Variants in THRB observed in about 807,000 individuals in gnomAD.
The protein encoded by THRB is nuclear receptor subfamily 1 group A member 2.
In THRB, 12 loss-of-function variants were observed where a neutral mutation model predicts 47.8. The ratio of observed to expected loss-of-function variants is 0.25; its 90% CI spans 0.16 to 0.41. The LOEUF is 0.41. Among genes scored for constraint, THRB ranks in the 10% least tolerant of loss-of-function variants. The pLI, the probability that THRB is intolerant of heterozygous loss-of-function variation, is 1.00. For synonymous variants in THRB, 218 were observed against 212.2 expected, an observed-to-expected ratio of 1.03 and a Z score of -0.24; for missense variants, 348 against 589.2, an observed-to-expected ratio of 0.59 and a Z score of 4.24.
At chr3:24,124,787 G>C (rs931763257) in intron 10 of THRB, among the ~76,000 whole-genome samples, 1 of 152,150 alleles carries the variant, frequency 6.6e-6, no homozygotes, top group Admixed American at 6.6e-5. Context: ...CAAAACATGG[G>C]GCTTAGAACA....
intron 4 of THRB, among the ~76,000 whole-genome samples, chr3:24,201,324 G>C (rs540198978): frequency 6.6e-6 from 1 of 152,122 alleles, no homozygotes; most frequent in Admixed American, 6.5e-5. Flanking sequence ...CTTGGGTCAG[G>C]TGTGCCCCCT....
intron 9 of THRB, among the ~76,000 whole-genome samples, chr3:24,130,985 G>T (rs954905054): frequency 6.6e-6 from 1 of 152,204 alleles, no homozygotes; most frequent in Non-Finnish European, 1.5e-5. Flanking sequence ...TCCTCCCATT[G>T]AAGGTAAAAA....
intron 1 of THRB, among the ~76,000 whole-genome samples, chr3:24,376,240 C>T (rs531243996): frequency 1.3e-5 from 2 of 152,286 alleles, no homozygotes; most frequent in Admixed American, 6.5e-5. Flanking sequence ...CAACAGTCCA[C>T]GGCTGTGATC....
Position 24,254,675 on chromosome 3 carries a change from T to G in THRB, c.-42-25674A>C, listed in dbSNP as rs189012247. 3.9e-5 allele frequency among the ~76,000 whole-genome samples: 6 copies of G among 152,338 alleles called. No individual in the cohort carries two copies. In the East Asian group the frequency reaches 1.2e-3, roughly 29 times the overall value. On this transcript the variant is annotated intron_variant, in intron 3 of 10. Transcript: ENST00000646209. ...TTGCTATCAGGGTTTTTCCTCTTCT[T>G]CTTCTGCTTCTAAAGGGCTCAGTTC...
intron 3 of THRB, among the ~76,000 whole-genome samples, chr3:24,285,685 C>G (rs2055201760): frequency 1.3e-5 from 2 of 152,096 alleles, no homozygotes; most frequent in South Asian, 4.1e-4. Context: ...CTTCCTATGT[C>G]TCAAATTTAA....
chr3:24,348,862 A>T (rs2149519313), intron 1 of THRB: 1 of 152,240 alleles, frequency 6.6e-6, no homozygotes, highest in African/African-American at 2.4e-5. Context: ...ATAAAACATT[A>T]TACTAGAAAT....
intron 3 of THRB, among the ~76,000 whole-genome samples, chr3:24,255,247 C>T (rs2150407520): frequency 6.6e-6 from 1 of 152,326 alleles, no homozygotes; most frequent in East Asian, 1.9e-4. Context: ...TTCCCTCCCT[C>T]TATGCATCCT....
Position 24,179,868 on chromosome 3 carries a change from T to G in THRB, c.283+10206A>C, listed in dbSNP as rs536347649. ...TAGAACGGGCATTCATTTCTTTTTTTGGGAGAACAAATAAGACTCAAGCAT... is the reference window on the plus strand; with the variant it reads ...TAGAACGGGCATTCATTTCTTTTTTGGGGAGAACAAATAAGACTCAAGCAT... On this transcript the variant is annotated intron_variant, in intron 5 of 10. Transcript: ENST00000646209. Among the ~76,000 whole-genome samples the G allele has an allele frequency of 1.2e-3, 190 of 152,296 alleles. 6 individuals are homozygous for G. The South Asian group carries it at 0.037, about 30-fold the overall frequency.
At chr3:24,169,759 C>G (rs2360960) in intron 5 of THRB, among the ~76,000 whole-genome samples, 90,790 of 149,228 alleles carry the variant, frequency 0.61, 29,968 homozygotes, top group African/African-American at 0.89. Flanking sequence ...CTCTAGGTCA[C>G]AGGTCAGCAA....
At chr3:24,348,586 A>C (rs1043971030) in intron 1 of THRB, 2 of 152,168 alleles carry the variant, frequency 1.3e-5, no homozygotes, top group Admixed American at 6.6e-5. Flanking sequence ...GGCCTTCTGC[A>C]CGATGTGCTG....
intron 1 of THRB, among the ~76,000 whole-genome samples, chr3:24,377,514 T>C (rs12638970): frequency 0.16 from 25,035 of 152,144 alleles, 2,196 homozygotes; most frequent in Middle Eastern, 0.22. Flanking sequence ...GAGATGTGGC[T>C]GTGGTGATTT....
intron 2 of THRB, among the ~76,000 whole-genome samples, chr3:24,335,332 T>G (rs2062179903): frequency 6.6e-6 from 1 of 152,158 alleles, no homozygotes; most frequent in Non-Finnish European, 1.5e-5. Context: ...CCTTCTGGAT[T>G]TGGTGATTAT....
intron 1 of THRB, among the ~76,000 whole-genome samples, chr3:24,339,743 A>C (rs2062505763): frequency 6.6e-6 from 1 of 152,178 alleles, no homozygotes; most frequent in Non-Finnish European, 1.5e-5. Context: ...CTTCCAACTT[A>C]AACATACCCA....
At chr3:24,429,481 TA>T (rs1360631983) in intron 1 of THRB, among the ~76,000 whole-genome samples, 5 of 151,948 alleles carry the variant, frequency 3.3e-5, no homozygotes, top group Non-Finnish European at 7.4e-5. Context: ...AATAGTTAAT[TA>T]ATTAATCAAT....
At chr3:24,135,848 A>ATATATATATATATATAT (rs1559422669) in intron 8 of THRB, among the ~76,000 whole-genome samples, 4 of 43,578 alleles carry the variant, frequency 9.2e-5, no homozygotes, top group Non-Finnish European at 9.9e-5. Flanking sequence ...TATATATATA[A>ATATATATATATATATAT]TACATAAATA....
chr3:24,206,580 CAATT>C (rs1158072131), intron 4 of THRB, among the ~76,000 whole-genome samples: 6 of 152,050 alleles, frequency 3.9e-5, no homozygotes, highest in African/African-American at 7.2e-5. Flanking sequence ...CCTAACATCA[CAATT>C]AAAAGAACTA....
intron 1 of THRB, among the ~76,000 whole-genome samples, chr3:24,438,536 T>TGTGTGTGC (rs966247174): frequency 0.046 from 6,984 of 150,938 alleles, 228 homozygotes; most frequent in Middle Eastern, 0.082. Context: ...TGTGTGTGTG[T>TGTGTGTGC]GCACATGCAT....
chr3:24,211,128 AGGCAGAG>A (rs1462233645), intron 4 of THRB, among the ~76,000 whole-genome samples: 1 of 150,630 alleles, frequency 6.6e-6, no homozygotes, highest in Admixed American at 6.6e-5. Flanking sequence ...TGAACCTGGG[AGGCAGAG>A]GGTGCAGTAA....
intron 5 of THRB, among the ~76,000 whole-genome samples, chr3:24,157,309 G>A (rs190396760): frequency 2.4e-4 from 36 of 151,964 alleles, no homozygotes; most frequent in African/African-American, 7.2e-4. Flanking sequence ...ACAATGGCTC[G>A]CCAGGCTTTG....
Sources: allele counts gnomAD v4.1 joint callset (sites outside exome capture counted in the v4.1 genomes callset), GRCh38; gene constraint gnomAD v4.1.1; transcripts MANE v1.5; gene names NCBI Gene and HGNC (gene_info 2026-07-23, HGNC 2026-07-21).